The following CADM1 variants were observed in gnomAD, a reference collection of about 807,000 sequenced individuals.
CADM1 encodes the protein cell adhesion molecule 1, also known as TSLC-1.
A neutral mutation model predicts 53.1 loss-of-function variants in CADM1; 15 were observed. The ratio of observed to expected loss-of-function variants is 0.28; its 90% confidence interval spans 0.19 to 0.44. The LOEUF (loss-of-function observed/expected upper bound fraction) is 0.44. Among genes scored for constraint, CADM1 ranks in the 20% least tolerant of loss-of-function variants. The pLI, the probability that CADM1 is intolerant of heterozygous loss-of-function variation, is 1.00. For synonymous variants in CADM1, 281 were observed against 243.0 expected (o/e 1.16, Z -1.45); for missense variants, 434 against 611.3 (o/e 0.71, Z 3.06).
intron 1 of CADM1, among the ~76,000 whole-genome samples, chr11:115,374,464 TAA>T (rs1946388626): frequency 6.6e-6 from 1 of 152,198 alleles, no homozygotes; most frequent in African/African-American, 2.4e-5. Context: ...GCACTTAAGT[TAA>T]ATGATAAGGG....
At chr11:115,504,159 G>A (rs2135453719) in intron 1 of CADM1, 112 bp downstream of exon 1, 2 of 1,457,420 alleles carry the variant, frequency 1.4e-6, no homozygotes, top group East Asian at 2.5e-5. Context: ...CCTCCGCTTC[G>A]GATGTAGGAA....
chr11:115,446,232 A>G (rs1304709296), intron 1 of CADM1, among the ~76,000 whole-genome samples: 1 of 152,184 alleles, frequency 6.6e-6, no homozygotes, highest in African/African-American at 2.4e-5. Context: ...GGGGTCAGGC[A>G]TTGTTGTTCT....
intron 1 of CADM1, among the ~76,000 whole-genome samples, chr11:115,391,439 G>A (rs548020375): frequency 1.3e-5 from 2 of 152,208 alleles, no homozygotes; most frequent in Admixed American, 1.3e-4. Context: ...CTCCAAAAAC[G>A]AACTGCAATG....
intron 1 of CADM1, among the ~76,000 whole-genome samples, chr11:115,283,717 C>A (rs1374610689): frequency 6.6e-6 from 1 of 152,198 alleles, no homozygotes; most frequent in Non-Finnish European, 1.5e-5. Flanking sequence ...GCTACTAAAG[C>A]CACGCCAGAC....
chr11:115,328,709 TATATGTGTATATATATGTATATAC>T (rs1945040901), intron 1 of CADM1, among the ~76,000 whole-genome samples: 1 of 44,010 alleles, frequency 2.3e-5, no homozygotes, highest in Non-Finnish European at 3.9e-5. Flanking sequence ...TATGTATATA[TATATGTGTATATATATGTATATAC>T]ATATATATAT....
chr11:115,472,002 G>T (rs1314895771), intron 1 of CADM1, among the ~76,000 whole-genome samples: 2 of 152,132 alleles, frequency 1.3e-5, no homozygotes, highest in Non-Finnish European at 2.9e-5. Flanking sequence ...GGAAAGAGGA[G>T]CTAGGTCCAA....
At chr11:115,256,215 T>C (rs2134997147) in intron 1 of CADM1, among the ~76,000 whole-genome samples, 1 of 152,356 alleles carries the variant, frequency 6.6e-6, no homozygotes, top group Non-Finnish European at 1.5e-5. Flanking sequence ...AAAGCTATCT[T>C]ACCCATTACA....
intron 1 of CADM1, among the ~76,000 whole-genome samples, chr11:115,255,123 G>A (rs1355041885): frequency 2.6e-5 from 4 of 152,130 alleles, no homozygotes; most frequent in African/African-American, 4.8e-5. Context: ...CAGAGGTCAG[G>A]CGCACGGGCT....
intron 1 of CADM1, among the ~76,000 whole-genome samples, chr11:115,455,724 T>C (rs991503639): frequency 6.6e-6 from 1 of 152,070 alleles, no homozygotes; most frequent in African/African-American, 2.4e-5. Context: ...CAAAAGCTCC[T>C]CCCCCTAAGA....
At position 115,256,363 on chromosome 11, in the gene CADM1, A is replaced by C. The variant is rs141810474; in HGVS notation, c.125-15943T>G. Among the ~76,000 whole-genome samples, 23 of 152,358 alleles carry C rather than the reference A, an allele frequency of 1.5e-4. 1 individual carries two copies. The East Asian group carries it at 4.4e-3, about 29-fold the overall frequency. ...TCAGGCTTGGAATGAGCCTCATAGAATGTCCAGGAGAAGAAAAAGTAAACA... is the reference window on the plus strand; with the variant it reads ...TCAGGCTTGGAATGAGCCTCATAGACTGTCCAGGAGAAGAAAAAGTAAACA... On this transcript the variant is annotated intron_variant, in intron 1 of 11. Coordinates refer to ENST00000331581, the MANE Select transcript of CADM1 (RefSeq NM_001301043.2).
At chr11:115,196,390 A>AT in intron 9 of CADM1, among the ~76,000 whole-genome samples, 1 of 152,178 alleles carries the variant, frequency 6.6e-6, no homozygotes, top group African/African-American at 2.4e-5. Flanking sequence ...AAGAACATGA[A>AT]TTTTATTGAA....
intron 1 of CADM1, among the ~76,000 whole-genome samples, chr11:115,288,159 G>C (rs1368707885): frequency 6.6e-6 from 1 of 152,150 alleles, no homozygotes; most frequent in East Asian, 1.9e-4. Context: ...AATAAAACAA[G>C]GGCCCTACAG....
At chr11:115,203,131 CA>C (rs1272634247) in intron 8 of CADM1, among the ~76,000 whole-genome samples, 1 of 151,154 alleles carries the variant, frequency 6.6e-6, no homozygotes, top group East Asian at 2.0e-4. Context: ...TACAGAACAG[CA>C]GCAACGGGGG....
intron 1 of CADM1, among the ~76,000 whole-genome samples, chr11:115,289,210 CA>C (rs1943811314): frequency 6.6e-6 from 1 of 151,832 alleles, no homozygotes; most frequent in African/African-American, 2.4e-5. Context: ...ACTAAAAATA[CA>C]AAAATTAGCC....
At chr11:115,279,758 T>G (rs984193164) in intron 1 of CADM1, among the ~76,000 whole-genome samples, 2 of 152,190 alleles carry the variant, frequency 1.3e-5, no homozygotes, top group Non-Finnish European at 2.9e-5. Context: ...AAAAAATATA[T>G]GTAATTTTTC....
intron 8 of CADM1, among the ~76,000 whole-genome samples, chr11:115,202,664 T>C (rs1940490514): frequency 1.3e-5 from 2 of 152,188 alleles, no homozygotes; most frequent in African/African-American, 4.8e-5. Context: ...TTTAATACAC[T>C]TTCTCCCAGT....
chr11:115,175,541 C>T lies in CADM1; in HGVS notation c.*933G>A. 1.0e-6 allele frequency: 1 copy of T among 985,506 alleles called. No homozygotes were observed. Among genetic ancestry groups the T allele is most frequent in the Non-Finnish European group, 1.2e-6 (1 of 830,000 alleles). The allele number at this position is 985,506 out of a possible 1,614,324, so 61.0% of individuals were successfully genotyped here. A position where few individuals can be genotyped will look rare whatever the true frequency, so the allele number is the denominator to read the frequency against. On this transcript the variant is annotated 3_prime_UTR_variant, in exon 12 of 12. Coordinates refer to ENST00000331581, the MANE Select transcript of CADM1 (RefSeq NM_001301043.2). The stretch of plus-strand genomic sequence containing the variant: ...ACTGTATTTCCCCCCTCCCTACTTC[C>T]CCTCCTGTGGCAACTCAAAATTTGT...
At chr11:115,458,049 G>A (rs1371157255) in intron 1 of CADM1, among the ~76,000 whole-genome samples, 1 of 152,042 alleles carries the variant, frequency 6.6e-6, no homozygotes, top group Non-Finnish European at 1.5e-5. Flanking sequence ...ATTTATGGGT[G>A]TACTCTTCTC....
chr11:115,221,389 T>C (rs1941400170), intron 5 of CADM1, among the ~76,000 whole-genome samples: 3 of 152,150 alleles, frequency 2.0e-5, no homozygotes, highest in South Asian at 2.1e-4. Context: ...TTAGTCAAAG[T>C]TGCACAGAGG....
Sources: allele counts gnomAD v4.1 joint callset (sites outside exome capture counted in the v4.1 genomes callset), GRCh38; gene constraint gnomAD v4.1.1; transcripts MANE v1.5; gene names NCBI Gene and HGNC (gene_info 2026-07-23, HGNC 2026-07-21).